Variants in ADAM23 observed in about 807,000 individuals in gnomAD.
ADAM23 encodes ADAM metallopeptidase domain 23.
In ADAM23, 33 loss-of-function variants were observed where a neutral mutation model predicts 120.1. That is an observed-to-expected ratio of 0.27 (90% CI 0.21 to 0.37). The LOEUF is 0.37. Ranked by LOEUF, ADAM23 falls within the 10% of genes least tolerant of loss-of-function variation. The pLI, the probability that ADAM23 is intolerant of heterozygous loss-of-function variation, is 1.00. For synonymous variants in ADAM23, 367 were observed against 375.2 expected, an observed-to-expected ratio of 0.98 and a Z score of 0.25; for missense variants, 862 against 1,058.2, an observed-to-expected ratio of 0.81 and a Z score of 2.57.
chr2:206,580,587 A>T (rs1698202882), intron 18 of ADAM23, among the ~76,000 whole-genome samples: 1 of 152,158 alleles, frequency 6.6e-6, no homozygotes, highest in African/African-American at 2.4e-5. Flanking sequence ...ATGGTGGATT[A>T]TCTTTTTGAT....
rs199658238 is a variant in ADAM23, at chr2:206,531,645, G to A, written c.573+697G>A. Among the ~76,000 whole-genome samples, 4 of 152,202 alleles carry A rather than the reference G, an allele frequency of 2.6e-5. No homozygotes were observed. In the East Asian group the frequency reaches 7.7e-4, roughly 29 times the overall value. Reference sequence around the variant, plus strand: ...AGTGACCTCCGTCAGTCAGGGTGAAGATCCCCAGAATGGCTACAGAAAGAA... The same window carrying A: ...AGTGACCTCCGTCAGTCAGGGTGAAAATCCCCAGAATGGCTACAGAAAGAA... On this transcript the variant is annotated intron_variant, in intron 4 of 25. Coordinates refer to ENST00000264377, the MANE Select transcript of ADAM23 (RefSeq NM_003812.4).
intron 3 of ADAM23, among the ~76,000 whole-genome samples, chr2:206,512,955 T>G (rs1334133608): frequency 6.6e-6 from 1 of 152,194 alleles, no homozygotes; most frequent in Non-Finnish European, 1.5e-5. Flanking sequence ...CTATTATGGT[T>G]GTTTTGGGGG....
At chr2:206,466,121 A>C (rs953933121) in intron 2 of ADAM23, among the ~76,000 whole-genome samples, 1 of 152,210 alleles carries the variant, frequency 6.6e-6, no homozygotes, top group African/African-American at 2.4e-5. Flanking sequence ...TATTAGAAGC[A>C]GTAGAGATAT....
chr2:206,519,648 G>A (rs6729169), intron 3 of ADAM23, among the ~76,000 whole-genome samples: 5,252 of 152,152 alleles, frequency 0.035, 134 homozygotes, highest in Middle Eastern at 0.075. Flanking sequence ...CTACCATACT[G>A]GTTTGAGATT....
chr2:206,468,243 A>G (rs1051343583), intron 2 of ADAM23, among the ~76,000 whole-genome samples: 3 of 152,136 alleles, frequency 2.0e-5, no homozygotes, highest in Non-Finnish European at 2.9e-5. Flanking sequence ...GTTTTTCACC[A>G]CATGGCCAGG....
chr2:206,580,054 T>A (rs199682084), intron 18 of ADAM23, among the ~76,000 whole-genome samples: 1 of 151,870 alleles, frequency 6.6e-6, no homozygotes, highest in Non-Finnish European at 1.5e-5. Context: ...ACTGATTTGT[T>A]TACATTAATC....
rs151270740 is a variant in ADAM23, at chr2:206,585,022, G to A, written c.1738-2303G>A. Among the ~76,000 whole-genome samples, 377 of 152,268 alleles carry A rather than the reference G, an allele frequency of 2.5e-3. 1 individual carries two copies. Among genetic ancestry groups the A allele is most frequent in the African/African-American group, 8.1e-3 (337 of 41,556 alleles). ...ACAGACCTTCAGCTTCTCCAGCGGG[G>A]GTGTGTGTTCCCACTTCCACAATTG... is the stretch of plus-strand genomic sequence containing the variant. On this transcript the variant is annotated intron_variant, in intron 18 of 25. Transcript: ENST00000264377.
Position 206,592,718 on chromosome 2 carries a change from G to C in ADAM23, c.2060G>C (p.Gly687Ala). The change falls in exon 22 of 26, where the codon GGC becomes GCC. Residue 687 changes from glycine to alanine, a missense_variant. By Grantham distance (60) the Gly-to-Ala change is moderately conservative. Transcript: ENST00000264377. ...EIIPTSFYHQ[G>A]RVIDCSGAHV... ...ATTCCAACTTCCTTCTACCATCAAG[G>C]CCGGGTGATTGACTGCAGGTAACAT... The C allele has an allele frequency of 6.2e-7, 1 of 1,613,924 alleles. No individual in the cohort carries two copies. The highest frequency in any genetic ancestry group is 2.2e-5 in the East Asian group (1 of 44,868).
chr2:206,491,909 A>G (rs1696142598), intron 3 of ADAM23, among the ~76,000 whole-genome samples: 1 of 152,212 alleles, frequency 6.6e-6, no homozygotes, highest in Non-Finnish European at 1.5e-5. Flanking sequence ...GTGTTAGCCA[A>G]GTGTATAAAG....
chr2:206,596,381 G>T (rs1447295406), intron 24 of ADAM23, among the ~76,000 whole-genome samples: 1 of 152,178 alleles, frequency 6.6e-6, no homozygotes, highest in African/African-American at 2.4e-5. Flanking sequence ...CTGAGATTGG[G>T]AAGAAGTAAA....
chr2:206,499,703 A>T (rs1203006835), intron 3 of ADAM23, among the ~76,000 whole-genome samples: 1 of 152,166 alleles, frequency 6.6e-6, no homozygotes, highest in East Asian at 1.9e-4. Flanking sequence ...TGAGAGGTTT[A>T]GTTAACTCTG....
chr2:206,567,918 C>T (rs1036412020), intron 15 of ADAM23, among the ~76,000 whole-genome samples: 3 of 152,022 alleles, frequency 2.0e-5, no homozygotes, highest in Non-Finnish European at 4.4e-5. Flanking sequence ...AGAAAGAGTG[C>T]GAGGAAGTGC....
chr2:206,462,253 G>C (rs1054300940), intron 2 of ADAM23, among the ~76,000 whole-genome samples: 1 of 152,058 alleles, frequency 6.6e-6, no homozygotes, highest in Non-Finnish European at 1.5e-5. Flanking sequence ...GGTTACTCTG[G>C]TATATTTACT....
At chr2:206,505,233 G>A (rs1696472440) in intron 3 of ADAM23, among the ~76,000 whole-genome samples, 1 of 152,188 alleles carries the variant, frequency 6.6e-6, no homozygotes, top group Admixed American at 6.5e-5. Context: ...AGTTAACAGG[G>A]CCTGGAATCC....
intron 10 of ADAM23, 71 bp from the exon 11 acceptor site, chr2:206,559,884 C>T: frequency 7.2e-7 from 1 of 1,392,916 alleles, no homozygotes; most frequent in Non-Finnish European, 9.8e-7. Flanking sequence ...CTTCCACTGA[C>T]TCTGACTCAC....
chr2:206,617,299 G>T (rs1574569630), intron 25 of ADAM23, among the ~76,000 whole-genome samples: 4 of 152,260 alleles, frequency 2.6e-5, no homozygotes, highest in Admixed American at 2.6e-4. Context: ...GACAAATTGG[G>T]CCGCAGAGTC....
rs187375069 is a variant in ADAM23 at position 206,449,878 on chromosome 2, C to T, written c.432+4354C>T. Among the ~76,000 whole-genome samples, 685 of 152,290 alleles carry T rather than the reference C, an allele frequency of 4.5e-3. 6 individuals carry two copies. Among genetic ancestry groups the T allele is most frequent in the Non-Finnish European group, 7.0e-3 (475 of 68,032 alleles). On this transcript the variant is annotated intron_variant, in intron 2 of 25. Transcript: ENST00000264377. ...TGTGGAGATGCACGATGCATAGCACCGGACCTTGGGGAAAGCTGACTTTAG... is the reference window on the plus strand; with the variant it reads ...TGTGGAGATGCACGATGCATAGCACTGGACCTTGGGGAAAGCTGACTTTAG...
At position 206,559,993 on chromosome 2, in the gene ADAM23, G is replaced by A; in HGVS notation, c.1044G>A (p.Val348=). ...AGCTCAACACCAGGGTTGTCCTGGT[G>A]GCTGTAGAGACCTGGACTGAGAAGG... ...KEQLNTRVVL[V]AVETWTEKDQ... The change falls in exon 11 of 26, where the codon GTG becomes GTA. Residue 348 remains valine (V), a synonymous_variant. Coordinates refer to ENST00000264377, the MANE Select transcript of ADAM23 (RefSeq NM_003812.4). The A allele has an allele frequency of 2.5e-6, 4 of 1,614,042 alleles. No individual in the cohort carries two copies. The highest frequency in any genetic ancestry group is 3.4e-6 in the Non-Finnish European group (4 of 1,179,974).
chr2:206,507,764 C>G (rs996780884), intron 3 of ADAM23, among the ~76,000 whole-genome samples: 1 of 152,162 alleles, frequency 6.6e-6, no homozygotes, highest in East Asian at 1.9e-4. Flanking sequence ...TTTGGTCTCA[C>G]TGATATAAAA....
Sources: gnomAD v4.1 joint callset for allele counts (sites outside exome capture counted in the v4.1 genomes callset) on GRCh38, gnomAD v4.1.1 for gene constraint, MANE v1.5 for transcripts, NCBI Gene and HGNC (gene_info 2026-07-23, HGNC 2026-07-21) for gene names.